The following ADAMTS20 variants were observed in gnomAD, a reference collection of about 807,000 sequenced individuals.
ADAMTS20 encodes the protein ADAM metallopeptidase with thrombospondin type 1 motif 20, also known as A disintegrin and metalloproteinase with thrombospondin motifs 20.
Under a neutral mutation model 260.1 loss-of-function variants are expected in ADAMTS20, and 225 were observed. The observed-to-expected ratio is 0.87, with a 90% CI of 0.78 to 0.97. The LOEUF (loss-of-function observed/expected upper bound fraction) is 0.97, where lower values mean the gene tolerates loss of function less well. Ranked by LOEUF, ADAMTS20 falls within the 50% of genes least tolerant of loss-of-function variation. ADAMTS20 has a pLI of 0.00. For missense variants in ADAMTS20, 2,400 were observed against 2,337.7 expected (o/e 1.03, Z -0.55); for synonymous variants, 802 against 769.5 (o/e 1.04, Z -0.70).
intron 3 of ADAMTS20, among the ~76,000 whole-genome samples, chr12:43,510,352 A>G (rs1942905563): frequency 6.6e-6 from 1 of 152,122 alleles, no homozygotes; most frequent in African/African-American, 2.4e-5. Context: ...AATTATTACA[A>G]TGAGCTTATT....
In ADAMTS20 at chr12:43,464,606, T is replaced by C; in HGVS notation, c.1494A>G (p.Gln498=). ...CTTTTCTTACTATATGGGGACACAT[T>C]TGTGACCCAGGACCAAACGCAAGCT... The part of the protein sequence containing the change: ...QCELAFGPGS[Q]MCPHINICMH... The change falls in exon 10 of 39, where the codon CAA becomes CAG. Residue 498 remains glutamine (Q), a synonymous_variant. Coordinates refer to ENST00000389420, the MANE Select transcript of ADAMTS20 (RefSeq NM_025003.5). 6.2e-7 allele frequency: 1 copy of C among 1,612,806 alleles called. No homozygotes were observed. Among genetic ancestry groups the C allele is most frequent in the African/African-American group, 1.3e-5 (1 of 74,996 alleles).
At chr12:43,450,066 T>A (rs953770349) in intron 14 of ADAMTS20, among the ~76,000 whole-genome samples, 3 of 152,206 alleles carry the variant, frequency 2.0e-5, no homozygotes, top group African/African-American at 7.2e-5. Context: ...CCATGGTTAT[T>A]ATTTTAACTC....
At chr12:43,547,615 C>T (rs1182348593) in intron 2 of ADAMTS20, among the ~76,000 whole-genome samples, 1 of 152,152 alleles carries the variant, frequency 6.6e-6, no homozygotes, top group Non-Finnish European at 1.5e-5. Context: ...CTCTCAAATG[C>T]CATAGAGGGC....
rs1338884445 is a variant in ADAMTS20, at chr12:43,432,340, A to G, written c.3060T>C (p.Phe1020=). The part of the protein sequence containing the change: ...SRVTRENCNE[F]SCPSWAASEW... ...CACTAGCAGCCCAACTGGGACAGGA[A>G]AATTCATTGCAATTCTCTCTCGTCA... is the stretch of plus-strand genomic sequence containing the variant. Residue 1020 remains phenylalanine (F), a synonymous_variant, in exon 21 of 39, where the codon TTT becomes TTC. Coordinates refer to ENST00000389420, the MANE Select transcript of ADAMTS20 (RefSeq NM_025003.5). 1 of 1,613,994 alleles carries G rather than the reference A, an allele frequency of 6.2e-7. No homozygotes were observed. The highest frequency in any genetic ancestry group is 1.1e-5 in the South Asian group (1 of 91,084).
At chr12:43,449,663 C>A (rs1005566381) in intron 14 of ADAMTS20, among the ~76,000 whole-genome samples, 4 of 152,078 alleles carry the variant, frequency 2.6e-5, no homozygotes, top group African/African-American at 7.2e-5. Context: ...GAATGACCAA[C>A]TATAAGCATG....
chr12:43,438,191 T>C (rs1941593413), intron 18 of ADAMTS20, among the ~76,000 whole-genome samples: 1 of 152,188 alleles, frequency 6.6e-6, no homozygotes, highest in South Asian at 2.1e-4. Flanking sequence ...TCTCCCACCA[T>C]GTTTTTCCAA....
rs1478780714 is a variant in ADAMTS20, at chr12:43,532,704, C to T, written c.454-509G>A. ...TATCTCCCAATGCTATCCCTCCCCC[C>T]TCCCCCGACCCCACCACAGTCCCCA... On this transcript the variant is annotated intron_variant, in intron 2 of 38. Transcript: ENST00000389420. Among the ~76,000 whole-genome samples, 567 of 88,796 alleles carry T rather than the reference C, an allele frequency of 6.4e-3. 6 individuals are homozygous for T. Among genetic ancestry groups the T allele is most frequent in the African/African-American group, 0.024 (558 of 22,966 alleles). 58.3% of individuals were successfully genotyped at this position (88,796 alleles called of 152,430 possible). A position where few individuals can be genotyped will look rare whatever the true frequency, so the allele number is the denominator to read the frequency against.
At chr12:43,431,991 C>T (rs1046098138) in intron 21 of ADAMTS20, among the ~76,000 whole-genome samples, 23 of 151,964 alleles carry the variant, frequency 1.5e-4, no homozygotes, top group Admixed American at 1.2e-3. Flanking sequence ...AATCCTCCCA[C>T]CTCAGCCTCC....
chr12:43,390,584 C>A (rs886606634), intron 29 of ADAMTS20, among the ~76,000 whole-genome samples: 3 of 152,186 alleles, frequency 2.0e-5, no homozygotes, highest in Non-Finnish European at 4.4e-5. Context: ...TCAGTTCTAT[C>A]TTCCACAAAA....
rs754458406 is a variant in ADAMTS20 at position 43,551,107 on chromosome 12, G to A, written c.255C>T (p.Tyr85=). ...TCAGGTTCAGCTGGAAGAGCTGCCC[G>A]TAGGCAGTGAAGCGATAGTGGGTTC... is the stretch of plus-strand genomic sequence containing the variant. The part of the protein sequence containing the change: ...PFRTHYRFTA[Y]GQLFQLNLTA... The change falls in exon 2 of 39, where the codon TAC becomes TAT. Residue 85 remains tyrosine (Y), a synonymous_variant. Transcript: ENST00000389420. This position sits in a 1 kb window ranked among gnomAD's most constrained non-coding sequence, Gnocchi z 4.6. 9 of 1,613,968 alleles carry A rather than the reference G, an allele frequency of 5.6e-6. No individual in the cohort carries two copies. In the Admixed American group the frequency reaches 1.0e-4, roughly 18 times the overall value.
intron 23 of ADAMTS20, 59 bp downstream of exon 23, chr12:43,430,293 A>C: frequency 1.3e-6 from 2 of 1,526,044 alleles, no homozygotes; most frequent in Non-Finnish European, 1.8e-6. Flanking sequence ...TAATTTTAAC[A>C]CATCAATAAT....
intron 7 of ADAMTS20, among the ~76,000 whole-genome samples, chr12:43,481,114 T>A (rs10748360): frequency 0.58 from 88,529 of 151,904 alleles, 26,152 homozygotes; most frequent in East Asian, 0.85. Flanking sequence ...AATTTTAAAA[T>A]TCTATGGAAT....
chr12:43,376,641 A>G lies in ADAMTS20; in HGVS notation c.5008T>C (p.Cys1670Arg). Residue 1670 changes from cysteine to arginine, a missense_variant, in exon 33 of 39, where the codon TGT (cysteine) becomes CGT (arginine). By Grantham distance (180) the Cys-to-Arg change is radical (BLOSUM62 -3). Coordinates refer to ENST00000389420, the MANE Select transcript of ADAMTS20 (RefSeq NM_025003.5). The part of the protein sequence containing the change: ...VGKWSKCSVT[C>R]GIGIMKRQVK... ...TGTCTCTTCATTATCCCAATTCCAC[A>G]AGTCACTGAGCACTGTGAAAAGAGT... 6.2e-7 allele frequency: 1 copy of G among 1,611,972 alleles called. No individual in the cohort carries two copies. The highest frequency in any genetic ancestry group is 8.5e-7 in the Non-Finnish European group (1 of 1,179,214).
At position 43,551,207 on chromosome 12, in the gene ADAMTS20, C is replaced by A. The variant is rs757919424; in HGVS notation, c.155G>T (p.Gly52Val). The A allele has an allele frequency of 6.2e-7, 1 of 1,613,862 alleles. No individual in the cohort carries two copies. The highest frequency in any genetic ancestry group is 1.3e-5 in the African/African-American group (1 of 75,022). The change falls in exon 2 of 39, where the codon GGA (glycine) becomes GTA (valine). Residue 52 changes from glycine to valine, a missense_variant. Coordinates refer to ENST00000389420, the MANE Select transcript of ADAMTS20 (RefSeq NM_025003.5). The surrounding 1 kb of genome is among the most constrained non-coding windows in gnomAD (Gnocchi z 4.6). ...VVIPERVNEF[G>V]EVFPQSHHFS... ...GTGGTGGCTCTGAGGGAACACTTCTCCAAACTCATTGACCCGCTCGGGGAT... is the reference window on the plus strand; with the variant it reads ...GTGGTGGCTCTGAGGGAACACTTCTACAAACTCATTGACCCGCTCGGGGAT...
intron 37 of ADAMTS20, among the ~76,000 whole-genome samples, chr12:43,362,687 A>C (rs1939896933): frequency 6.6e-6 from 1 of 152,118 alleles, no homozygotes; most frequent in African/African-American, 2.4e-5. Flanking sequence ...TATTCAAGAA[A>C]ATCTTCTTCA....
In ADAMTS20 at chr12:43,452,646, A is replaced by G; in HGVS notation, c.1810T>C (p.Ser604Pro). The G allele has an allele frequency of 6.2e-7, 1 of 1,610,996 alleles. No homozygotes were observed. The highest frequency in any genetic ancestry group is 8.5e-7 in the Non-Finnish European group (1 of 1,178,368). The change falls in exon 13 of 39, where the codon TCA becomes CCA. Residue 604 changes from serine (S) to proline (P), a missense_variant. By Grantham distance (74) the Ser-to-Pro change is moderately conservative. Transcript: ENST00000389420. ...TTTGGACATGAATCAGTATTACATG[A>G]TCGAAATTTCATCCTGCGGCCCACA... The part of the protein sequence containing the change: ...YCVGRRMKFR[S>P]CNTDSCPKGT...
At position 43,502,056 on chromosome 12, in the gene ADAMTS20, T is replaced by C. The variant is rs1565574262; in HGVS notation, c.867+96A>G. 15 of 1,188,884 alleles carry C rather than the reference T, an allele frequency of 1.3e-5. No homozygotes were observed. The South Asian group carries it at 2.3e-4, about 18-fold the overall frequency. 73.6% of individuals were successfully genotyped at this position (1,188,884 alleles called of 1,614,324 possible). On this transcript the variant is annotated intron_variant, in intron 4 of 38. Coordinates refer to ENST00000389420, the MANE Select transcript of ADAMTS20 (RefSeq NM_025003.5). ...GCTTAAACCTAGATACAAAATTACA[T>C]CTAAAGAGTTTGGAAAAAAAATTTA...
intron 7 of ADAMTS20, among the ~76,000 whole-genome samples, chr12:43,489,897 A>T (rs1268755943): frequency 6.6e-6 from 1 of 152,066 alleles, no homozygotes; most frequent in Non-Finnish European, 1.5e-5. Flanking sequence ...ATTTTTGTTT[A>T]GGAACACATA....
chr12:43,382,880 G>T (rs181643514), intron 31 of ADAMTS20, among the ~76,000 whole-genome samples: 1 of 151,964 alleles, frequency 6.6e-6, no homozygotes, highest in East Asian at 1.9e-4. Flanking sequence ...AAAAGCAAAT[G>T]TAAAGACATC....
Sources: allele counts gnomAD v4.1 joint callset (sites outside exome capture counted in the v4.1 genomes callset), GRCh38; gene constraint gnomAD v4.1.1; non-coding constraint Gnocchi (gnomAD v3.1); transcripts MANE v1.5; gene names NCBI Gene and HGNC (gene_info 2026-07-23, HGNC 2026-07-21).